The following MST1R variants were observed in gnomAD, a reference collection of about 807,000 sequenced individuals.
The protein encoded by MST1R is macrophage stimulating 1 receptor.
In MST1R, 99 loss-of-function variants were observed where a neutral mutation model predicts 117.8. That is an observed-to-expected ratio of 0.84 (90% CI 0.71 to 0.99). The LOEUF (loss-of-function observed/expected upper bound fraction) is 0.99, where lower values mean the gene tolerates loss of function less well. Ranked by LOEUF, MST1R falls within the 50% of genes least tolerant of loss-of-function variation. The pLI is 0.00. For missense variants in MST1R, 1,683 were observed against 1,840.2 expected (o/e 0.91, Z 1.56); for synonymous variants, 734 against 765.3 (o/e 0.96, Z 0.68).
chr3:49,903,838 C>G lies in MST1R; in HGVS notation c.-229G>C, dbSNP rs1163355117. On this transcript the variant is annotated 5_prime_UTR_variant, in exon 1 of 20. Transcript: ENST00000296474. ...CGGACGCACGACAGCAACGCCCCAG[C>G]CGCCTCACCTGCCGCCCCAGCCGCC... 2 of 568,270 alleles carry G rather than the reference C, an allele frequency of 3.5e-6. No individual in the cohort carries two copies. Among genetic ancestry groups the G allele is most frequent in the African/African-American group, 1.9e-5 (1 of 52,068 alleles). 35.2% of individuals were successfully genotyped at this position (568,270 alleles called of 1,614,324 possible). A position where few individuals can be genotyped will look rare whatever the true frequency, so the allele number is the denominator to read the frequency against.
rs1272472014 is a variant in MST1R, at chr3:49,896,588, C to T, written c.2391G>A (p.Trp797Ter). The T allele has an allele frequency of 1.2e-6, 2 of 1,614,048 alleles. No homozygotes were observed. Among genetic ancestry groups the T allele is most frequent in the Non-Finnish European group, 1.7e-6 (2 of 1,180,030 alleles). The part of the protein sequence containing the change: ...TICGQHLTSA[W>*]HLVLSFHDGL... ...CGTCATGGAATGACAGCACTAAGTGCCATGCTGAAGTTAGATGCTGGCCAC... is the reference window on the plus strand; with the variant it reads ...CGTCATGGAATGACAGCACTAAGTGTCATGCTGAAGTTAGATGCTGGCCAC... The change falls in exon 9 of 20, where the codon TGG (tryptophan) becomes TGA (stop). Residue 797 changes from tryptophan to a stop codon, truncating the protein, a stop_gained. Coordinates refer to ENST00000296474, the MANE Select transcript of MST1R (RefSeq NM_002447.4). LOFTEE classifies it high-confidence loss of function.
In MST1R at chr3:49,902,516, A is replaced by G. The variant is rs1186234509; in HGVS notation, c.1094T>C (p.Val365Ala). 1.2e-6 allele frequency: 2 copies of G among 1,614,112 alleles called. No homozygotes were observed. Among genetic ancestry groups the G allele is most frequent in the Non-Finnish European group, 1.7e-6 (2 of 1,180,034 alleles). ...CAGGTCAATGGGGAAGGCACAGACGACAGAGTTGGGGCCCACGCCAGGACC... is the reference window on the plus strand; with the variant it reads ...CAGGTCAATGGGGAAGGCACAGACGGCAGAGTTGGGGCCCACGCCAGGACC... ...DGGPGVGPNSVVCAFPIDLLD... is the reference protein window; with the variant it reads ...DGGPGVGPNSAVCAFPIDLLD... The change falls in exon 1 of 20, where the codon GTC becomes GCC. Residue 365 changes from valine (V) to alanine (A), a missense_variant. Physicochemically the swap from Val to Ala is moderately conservative, Grantham distance 64. Coordinates refer to ENST00000296474, the MANE Select transcript of MST1R (RefSeq NM_002447.4).
In MST1R at chr3:49,897,552, C is replaced by T. The variant is rs768318968; in HGVS notation, c.2014G>A (p.Gly672Ser). The part of the protein sequence containing the change: ...MPPGKHFRVD[G>S]TSVLRGFSFM... ...GAGAAGCCTCTCAGCACGGAGGTGCCGTCTACCCGGAAGTGCTTGCCCGGT... is the reference window on the plus strand; with the variant it reads ...GAGAAGCCTCTCAGCACGGAGGTGCTGTCTACCCGGAAGTGCTTGCCCGGT... The change falls in exon 6 of 20, where the codon GGC becomes AGC. Residue 672 changes from glycine to serine, a missense_variant. Coordinates refer to ENST00000296474, the MANE Select transcript of MST1R (RefSeq NM_002447.4). The T allele has an allele frequency of 6.2e-6, 10 of 1,613,994 alleles. No homozygotes were observed. The highest frequency in any genetic ancestry group is 7.6e-6 in the Non-Finnish European group (9 of 1,179,978).
Position 49,887,291 on chromosome 3 carries a change from C to T in MST1R, c.*16G>A, listed in dbSNP as rs779426694. ...TTAGCTCAAGGCAGCTAAGCAGGTC[C>T]AGCCCAAGAACTAAGTCAAGTGGGC... On this transcript the variant is annotated 3_prime_UTR_variant, in exon 20 of 20. Coordinates refer to ENST00000296474, the MANE Select transcript of MST1R (RefSeq NM_002447.4). 1 of 1,613,234 alleles carries T rather than the reference C, an allele frequency of 6.2e-7. No homozygotes were observed. The highest frequency in any genetic ancestry group is 2.2e-5 in the East Asian group (1 of 44,880).
At position 49,891,568 on chromosome 3, in the gene MST1R, ATC is replaced by A. The variant is rs765710235; in HGVS notation, c.3363_3364del (p.Glu1121AspfsTer33). On this transcript the variant is annotated frameshift_variant, in exon 16 of 20. Coordinates refer to ENST00000296474, the MANE Select transcript of MST1R (RefSeq NM_002447.4). LOFTEE classifies it high-confidence loss of function. ...TCGCAGGAAGGCCTCCACCTGCTGC[ATC>A]TCTGTGATGCCTGCAGAGCAGCGCA... 6.2e-7 allele frequency: 1 copy of A among 1,613,870 alleles called. No individual in the cohort carries two copies. Among genetic ancestry groups the A allele is most frequent in the Non-Finnish European group, 8.5e-7 (1 of 1,180,024 alleles).
chr3:49,898,557 G>A lies in MST1R; in HGVS notation c.1680C>T (p.Gly560=). Residue 560 remains glycine (G), a synonymous_variant, in exon 4 of 20, where the codon GGC becomes GGT. Coordinates refer to ENST00000296474, the MANE Select transcript of MST1R (RefSeq NM_002447.4). Reference sequence around the variant, plus strand: ...GTGGGCAGTGGTCCTGTTGCCAGGAGCCAGGACACTCCTTCTGCTGGCCGC... The same window carrying A: ...GTGGGCAGTGGTCCTGTTGCCAGGAACCAGGACACTCCTTCTGCTGGCCGC... ...NMCGQQKECP[G]SWQQDHCPPK... is the part of the protein sequence containing the mutation. 1.9e-6 allele frequency: 3 copies of A among 1,613,992 alleles called. No individual in the cohort carries two copies. Among genetic ancestry groups the A allele is most frequent in the Non-Finnish European group, 2.5e-6 (3 of 1,180,032 alleles).
At chr3:49,897,866 G>T in intron 5 of MST1R, 181 bp from the exon 6 acceptor site, 1 of 1,132,616 alleles carries the variant, frequency 8.8e-7, no homozygotes, top group Non-Finnish European at 1.2e-6. Flanking sequence ...TGAGTGAACA[G>T]ACAGGAAGGG....
rs771904980 is a variant in MST1R, at chr3:49,902,572, T to G, written c.1038A>C (p.Leu346=). The part of the protein sequence containing the change: ...ELSIAEGQEV[L]FGVFVTGKDG... ...CCTTGCCAGTCACAAAGACCCCAAATAGTACTTCCTGGCCCTCGGCGATGC... is the reference window on the plus strand; with the variant it reads ...CCTTGCCAGTCACAAAGACCCCAAAGAGTACTTCCTGGCCCTCGGCGATGC... Residue 346 remains leucine, a synonymous_variant, in exon 1 of 20, where the codon CTA becomes CTC. Transcript: ENST00000296474. The G allele has an allele frequency of 4.3e-6, 7 of 1,613,830 alleles. No homozygotes were observed. In the South Asian group the frequency reaches 6.6e-5, roughly 15 times the overall value.
chr3:49,902,424 G>A lies in MST1R; in HGVS notation c.1186C>T (p.Arg396Ter), dbSNP rs200626206. 2.2e-5 allele frequency: 36 copies of A among 1,613,970 alleles called. No individual in the cohort carries two copies. The East Asian group carries it at 4.7e-4, about 21-fold the overall frequency. The part of the protein sequence containing the change: ...CESPVHPGLR[R>*]GLDFFQSPSF... Reference sequence around the variant, plus strand: ...GGCGACTGGAAGAAGTCGAGGCCTCGCCGGAGGCCTGGATGGACTGGGGAT... The same window carrying A: ...GGCGACTGGAAGAAGTCGAGGCCTCACCGGAGGCCTGGATGGACTGGGGAT... Residue 396 changes from arginine to a stop codon, truncating the protein, a stop_gained, in exon 1 of 20, where the codon CGA becomes TGA. Transcript: ENST00000296474. LOFTEE classifies it high-confidence loss of function.
In MST1R at chr3:49,895,532, C is replaced by G. The variant is rs1214585240; in HGVS notation, c.2979G>C (p.Leu993=). Reference sequence around the variant, plus strand: ...TCTGGTCCAGGGATGCCAGGTCATTCAGGTTGGGAGGAAGAACTGTGGAAA... The same window carrying G: ...TCTGGTCCAGGGATGCCAGGTCATTGAGGTTGGGAGGAAGAACTGTGGAAA... ...RRKQLVLPPN[L]NDLASLDQTA... Residue 993 remains leucine (L), a synonymous_variant, in exon 13 of 20, where the codon CTG becomes CTC. Coordinates refer to ENST00000296474, the MANE Select transcript of MST1R (RefSeq NM_002447.4). The G allele has an allele frequency of 3.7e-6, 6 of 1,614,012 alleles. No homozygotes were observed. In the Admixed American group the frequency reaches 6.7e-5, roughly 18 times the overall value.
rs760389915 is a variant in MST1R, at chr3:49,902,589, C to T, written c.1021G>A (p.Glu341Lys). The T allele has an allele frequency of 8.7e-6, 14 of 1,613,566 alleles. No individual in the cohort carries two copies. Among genetic ancestry groups the T allele is most frequent in the East Asian group, 6.7e-5 (3 of 44,900 alleles). ...AQLATELSIA[E>K]GQEVLFGVFV... is the part of the protein sequence containing the mutation. ...ACCCCAAATAGTACTTCCTGGCCCT[C>T]GGCGATGCTCAGCTCAGTGGCAAGT... Residue 341 changes from glutamate to lysine, a missense_variant, in exon 1 of 20, where the codon GAG becomes AAG. Coordinates refer to ENST00000296474, the MANE Select transcript of MST1R (RefSeq NM_002447.4).
Position 49,895,503 on chromosome 3 carries a change from G to C in MST1R, c.3008C>G (p.Ala1003Gly). 8 of 1,614,194 alleles carry C rather than the reference G, an allele frequency of 5.0e-6. No individual in the cohort carries two copies. Among genetic ancestry groups the C allele is most frequent in the Non-Finnish European group, 5.9e-6 (7 of 1,180,042 alleles). The change falls in exon 13 of 20, where the codon GCT becomes GGT. Residue 1003 changes from alanine to glycine, a missense_variant. Ala to Gly is a moderately conservative substitution (Grantham distance 60). Coordinates refer to ENST00000296474, the MANE Select transcript of MST1R (RefSeq NM_002447.4). ...CAGAATAGGCAGGGGTGTGGCTCCA[G>C]CAGTCTGGTCCAGGGATGCCAGGTC... ...LNDLASLDQTAGATPLPILYS... is the reference protein window; with the variant it reads ...LNDLASLDQTGGATPLPILYS...
chr3:49,897,747 G>A, intron 5 of MST1R, 62 bp from the exon 6 acceptor site: 1 of 1,529,174 alleles, frequency 6.5e-7, no homozygotes. Flanking sequence ...ATGCATGCCT[G>A]CCACAAGCCA....
intron 14 of MST1R, among the ~76,000 whole-genome samples, chr3:49,893,209 G>A (rs935272308): frequency 2.6e-5 from 4 of 151,798 alleles, no homozygotes; most frequent in Non-Finnish European, 5.9e-5. Flanking sequence ...AATCCGGGAG[G>A]CAGAGGTTGC....
Position 49,902,669 on chromosome 3 carries a change from C to T in MST1R, c.941G>A (p.Gly314Asp), listed in dbSNP as rs1473729899. 2.5e-6 allele frequency: 4 copies of T among 1,613,278 alleles called. No homozygotes were observed. The highest frequency in any genetic ancestry group is 3.4e-6 in the Non-Finnish European group (4 of 1,180,038). ...CCGCAGCACAGGGTAGGGCTGTCCG[C>T]CTTCTGGGGCCCCCCGGCGCCTGCG... is the stretch of plus-strand genomic sequence containing the variant. The part of the protein sequence containing the change: ...PKRRRRGAPE[G>D]GQPYPVLRVA... The change falls in exon 1 of 20, where the codon GGC (glycine) becomes GAC (aspartate). Residue 314 changes from glycine to aspartate, a missense_variant. Transcript: ENST00000296474.
Position 49,903,525 on chromosome 3 carries a change from A to G in MST1R, c.85T>C (p.Cys29Arg), listed in dbSNP as rs771601768. The change falls in exon 1 of 20, where the codon TGC becomes CGC. Residue 29 changes from cysteine (C) to arginine (R), a missense_variant. By Grantham distance (180) the Cys-to-Arg change is radical. Transcript: ENST00000296474. ...AKPAAGEDWQ[C>R]PRTPYAASRD... is the part of the protein sequence containing the mutation. Reference sequence around the variant, plus strand: ...GAGGCCGCGTAGGGGGTGCGCGGGCACTGCCAGTCCTCGCCCGCCGCGGGC... The same window carrying G: ...GAGGCCGCGTAGGGGGTGCGCGGGCGCTGCCAGTCCTCGCCCGCCGCGGGC... 5 of 1,606,434 alleles carry G rather than the reference A, an allele frequency of 3.1e-6. 1 individual carries two copies. In the South Asian group the frequency reaches 5.5e-5, roughly 18 times the overall value.
rs779567081 is a variant in MST1R, at chr3:49,903,615, C to A, written c.-6G>T. 6.4e-7 allele frequency: 1 copy of A among 1,553,044 alleles called. No homozygotes were observed. The highest frequency in any genetic ancestry group is 1.2e-5 in the South Asian group (1 of 81,672). ...AGCGGCGGGAGGAGCTCCATCGAGG[C>A]GAGCTGGGACCCTAGAGGATCCCTA... On this transcript the variant is annotated 5_prime_UTR_variant, in exon 1 of 20. Coordinates refer to ENST00000296474, the MANE Select transcript of MST1R (RefSeq NM_002447.4).
In MST1R at chr3:49,896,859, GT is replaced by G; in HGVS notation, c.2214del (p.Pro740LeufsTer34). The G allele has an allele frequency of 6.5e-7, 1 of 1,542,140 alleles. No individual in the cohort carries two copies. Among genetic ancestry groups the G allele is most frequent in the Non-Finnish European group, 8.7e-7 (1 of 1,143,350 alleles). On this transcript the variant is annotated frameshift_variant, in exon 8 of 20. Transcript: ENST00000296474. LOFTEE classifies it high-confidence loss of function. ...RVSEGQLLCA[T>X]PPGATVASVP... ...ACACTGGCCACCGTGGCCCCAGGGG[GT>G]GTGGCACATAAAAGCTGCCCCTCAC...
chr3:49,897,244 C>T, intron 7 of MST1R, 36 bp downstream of exon 7: 1 of 1,572,834 alleles, frequency 6.4e-7, no homozygotes, highest in Non-Finnish European at 8.6e-7. Context: ...CTGGATAGAA[C>T]CCTGCGGCCT....
Sources: gnomAD v4.1 joint callset for allele counts (sites outside exome capture counted in the v4.1 genomes callset) on GRCh38, gnomAD v4.1.1 for gene constraint, MANE v1.5 for transcripts, NCBI Gene and HGNC (gene_info 2026-07-23, HGNC 2026-07-21) for gene names.